Variants in ROPN1B observed in about 807,000 individuals in gnomAD.
ROPN1B encodes rhophilin associated tail protein 1B.
In ROPN1B, 13 loss-of-function variants were observed where a neutral mutation model predicts 23.7. The ratio of observed to expected loss-of-function variants is 0.55; its 90% CI spans 0.36 to 0.87. The LOEUF (loss-of-function observed/expected upper bound fraction) is 0.87, where lower values mean the gene tolerates loss of function less well. ROPN1B is among the 40% of genes least tolerant of loss of function. The pLI is 0.01. For missense variants in ROPN1B, 183 were observed against 249.2 expected, an observed-to-expected ratio of 0.73 and a Z score of 1.79; for synonymous variants, 67 against 100.4, an observed-to-expected ratio of 0.67 and a Z score of 1.99.
Position 125,972,157 on chromosome 3 carries a change from C to T in ROPN1B, c.103C>T (p.Gln35Ter). 9 of 1,614,210 alleles carry T rather than the reference C, an allele frequency of 5.6e-6. No homozygotes were observed. Among genetic ancestry groups the T allele is most frequent in the Non-Finnish European group, 7.6e-6 (9 of 1,180,022 alleles). Residue 35 changes from glutamine to a stop codon, truncating the protein, a stop_gained, in exon 3 of 7, where the codon CAG becomes TAG. Coordinates refer to ENST00000514116, the MANE Select transcript of ROPN1B (RefSeq NM_001308313.2). LOFTEE classifies it high-confidence loss of function. ...AIRAQPQDLI[Q>*]WGADYFEALS... ...TCGGGCGCAGCCGCAGGACCTCATC[C>T]AGTGGGGGGCCGAGTACGTGCTCCT...
intron 2 of ROPN1B, among the ~76,000 whole-genome samples, 182 bp downstream of exon 2, chr3:125,971,344 G>A (rs899186668): frequency 1.6e-4 from 24 of 152,072 alleles, no homozygotes; most frequent in African/African-American, 5.8e-4. Context: ...TATCTAGTCT[G>A]TCCCTTTCTC....
rs116798284 is a variant in ROPN1B, at chr3:125,982,524, T to A, written c.572+79T>A. 5.9e-6 allele frequency: 7 copies of A among 1,191,144 alleles called. No individual in the cohort carries two copies. In the East Asian group the frequency reaches 1.6e-4, roughly 26 times the overall value. The allele number at this position is 1,191,144 out of a possible 1,614,324, so 73.8% of individuals were successfully genotyped here. ...TGGGGCCAAGACAGAGTGAGATTAT[T>A]GTATTATACTGCTCTGGGAACAGAA... is the stretch of plus-strand genomic sequence containing the variant. On this transcript the variant is annotated intron_variant, in intron 6 of 6. Transcript: ENST00000514116.
intron 2 of ROPN1B, 63 bp downstream of exon 2, chr3:125,971,225 A>T (rs914936079): frequency 6.6e-6 from 1 of 152,294 alleles, no homozygotes; most frequent in African/African-American, 2.4e-5. Context: ...CTCATTGGCC[A>T]CTGGAAGATT....
intron 3 of ROPN1B, chr3:125,972,540 C>T (rs1305902024): frequency 2.2e-6 from 1 of 464,820 alleles, no homozygotes; most frequent in Non-Finnish European, 3.8e-6. Context: ...GCAGCTTAAT[C>T]TGCCTTTCTT....
intron 5 of ROPN1B, among the ~76,000 whole-genome samples, chr3:125,981,243 G>A (rs1938602312): frequency 6.6e-6 from 1 of 152,132 alleles, no homozygotes; most frequent in Non-Finnish European, 1.5e-5. Context: ...TTATGCTCCT[G>A]GGTAACACAT....
intron 5 of ROPN1B, chr3:125,977,534 T>C (rs1485434304): frequency 8.9e-6 from 3 of 336,974 alleles, no homozygotes; most frequent in African/African-American, 6.4e-5. Context: ...TATATATCAA[T>C]AGACACTGTT....
intron 2 of ROPN1B, 125 bp downstream of exon 2, chr3:125,971,287 GA>G (rs1461139539): frequency 5.9e-5 from 9 of 152,110 alleles, no homozygotes; most frequent in Admixed American, 6.5e-5. Context: ...CTTGTACTGA[GA>G]TTTGTCTGGC....
At chr3:125,975,014 C>T (rs1216780455) in intron 3 of ROPN1B, among the ~76,000 whole-genome samples, 1 of 152,120 alleles carries the variant, frequency 6.6e-6, no homozygotes, top group Non-Finnish European at 1.5e-5. Context: ...GGGTCTTACT[C>T]TGTCACCCAG....
chr3:125,970,273 T>C (rs943423396), intron 1 of ROPN1B: 2 of 151,900 alleles, frequency 1.3e-5, no homozygotes, highest in Non-Finnish European at 2.9e-5. Flanking sequence ...CAAACAAGAG[T>C]AACCACATCC....
intron 5 of ROPN1B, among the ~76,000 whole-genome samples, chr3:125,979,834 T>TA (rs1224280520): frequency 6.6e-6 from 1 of 152,204 alleles, no homozygotes; most frequent in Non-Finnish European, 1.5e-5. Flanking sequence ...CTCCGGTAGG[T>TA]AATAGGTACA....
At position 125,983,075 on chromosome 3, in the gene ROPN1B, C is replaced by A. The variant is rs1468504063; in HGVS notation, c.573-179C>A. ...CCCAGGAGGCAGAGGTTGCAGTGAGCCGAGATTGCATCACTTACTCCAGCC... is the reference window on the plus strand; with the variant it reads ...CCCAGGAGGCAGAGGTTGCAGTGAGACGAGATTGCATCACTTACTCCAGCC... On this transcript the variant is annotated intron_variant, in intron 6 of 6. Transcript: ENST00000514116. Among the ~76,000 whole-genome samples, 4 of 152,102 alleles carry A rather than the reference C, an allele frequency of 2.6e-5. No individual in the cohort carries two copies. The East Asian group carries it at 7.7e-4, about 29-fold the overall frequency.
At chr3:125,980,802 A>G (rs182010960) in intron 5 of ROPN1B, among the ~76,000 whole-genome samples, 166 of 152,196 alleles carry the variant, frequency 1.1e-3, no homozygotes, top group Non-Finnish European at 1.9e-3. Context: ...TGGAAATTAT[A>G]AAGTTCAGAG....
chr3:125,982,162 C>T (rs1559787364), intron 5 of ROPN1B, 108 bp from the exon 6 acceptor site: 1 of 909,308 alleles, frequency 1.1e-6, no homozygotes, highest in Middle Eastern at 2.4e-4. Flanking sequence ...ATTGTTCCCA[C>T]TTCATTTTAT....
chr3:125,976,889 C>G, intron 4 of ROPN1B, 115 bp from the exon 5 acceptor site: 2 of 754,698 alleles, frequency 2.7e-6, no homozygotes, highest in Non-Finnish European at 4.9e-6. Flanking sequence ...CACCCCCTCC[C>G]GCCCCTTGCC....
rs920797816 is a variant in ROPN1B, at chr3:125,983,267, G to A, written c.586G>A (p.Gly196Ser). ...TTATCCAAACAGAATTGGTCCTGAT[G>A]GTTTAATCACGGTGAATGACTTTAC... ...YIEQEVIGPD[G>S]LITVNDFTQN... The change falls in exon 7 of 7, where the codon GGT becomes AGT. Residue 196 changes from glycine (G) to serine (S), a missense_variant. Physicochemically the swap from Gly to Ser is moderately conservative, Grantham distance 56. Transcript: ENST00000514116. The A allele has an allele frequency of 3.1e-6, 5 of 1,612,864 alleles. No individual in the cohort carries two copies. The African/African-American group carries it at 5.3e-5, about 17-fold the overall frequency.
At chr3:125,970,441 A>C (rs1161476790) in intron 1 of ROPN1B, among the ~76,000 whole-genome samples, 1 of 152,228 alleles carries the variant, frequency 6.6e-6, no homozygotes, top group East Asian at 1.9e-4. Context: ...TGTTTAGCCC[A>C]TACCAATAAA....
chr3:125,970,608 T>C (rs983726739), intron 1 of ROPN1B, among the ~76,000 whole-genome samples: 3 of 152,046 alleles, frequency 2.0e-5, no homozygotes, highest in Admixed American at 1.3e-4. Context: ...TTCCCCCCTC[T>C]CCGAGAAACA....
At chr3:125,979,350 T>C (rs1288054052) in intron 5 of ROPN1B, among the ~76,000 whole-genome samples, 2 of 152,140 alleles carry the variant, frequency 1.3e-5, no homozygotes, top group African/African-American at 4.8e-5. Flanking sequence ...GTTTGTGTCC[T>C]CCCAAAATTC....
chr3:125,976,784 C>T, intron 4 of ROPN1B: 1 of 749,050 alleles, frequency 1.3e-6, no homozygotes, highest in Non-Finnish European at 2.4e-6. Context: ...AATTCTGACA[C>T]CTAAAGTTTG....
Sources: gnomAD v4.1 joint callset for allele counts (sites outside exome capture counted in the v4.1 genomes callset) on GRCh38, gnomAD v4.1.1 for gene constraint, MANE v1.5 for transcripts, NCBI Gene and HGNC (gene_info 2026-07-23, HGNC 2026-07-21) for gene names.